Variants in AGPS observed in about 807,000 individuals in gnomAD.
The protein encoded by AGPS is alkylglycerone phosphate synthase.
A neutral mutation model predicts 90.7 loss-of-function variants in AGPS; 26 were observed. That is an observed-to-expected ratio of 0.29 (90% CI 0.21 to 0.40). AGPS has a LOEUF of 0.40. AGPS is among the 10% of genes least tolerant of loss of function. The pLI, the probability that AGPS is intolerant of heterozygous loss-of-function variation, is 1.00. For missense variants in AGPS, 540 were observed against 816.1 expected (o/e 0.66, Z 4.12); for synonymous variants, 294 against 285.3 (o/e 1.03, Z -0.31).
intron 19 of AGPS, among the ~76,000 whole-genome samples, chr2:177,529,693 C>T (rs986923257): frequency 6.6e-6 from 1 of 152,170 alleles, no homozygotes; most frequent in African/African-American, 2.4e-5. Context: ...ATACCACCAA[C>T]CATTTAGTGT....
chr2:177,420,846 ATT>A (rs1261115265), intron 2 of AGPS, among the ~76,000 whole-genome samples: 1 of 151,834 alleles, frequency 6.6e-6, no homozygotes, highest in South Asian at 2.1e-4. Context: ...AAGGTGAATG[ATT>A]TTAGGTCTGT....
intron 10 of AGPS, among the ~76,000 whole-genome samples, chr2:177,477,900 G>A (rs1687829566): frequency 6.6e-6 from 1 of 152,126 alleles, no homozygotes; most frequent in Non-Finnish European, 1.5e-5. Flanking sequence ...GATGTGAGAA[G>A]AAAGGAGAAG....
chr2:177,514,542 T>C lies in AGPS; in HGVS notation c.1697+634T>C, dbSNP rs541067074. ...AGTCCTCATTAAGGCATTCAGTTGTTAAGCTTACTTGCTCCTTATAGCATG... is the reference window on the plus strand; with the variant it reads ...AGTCCTCATTAAGGCATTCAGTTGTCAAGCTTACTTGCTCCTTATAGCATG... On this transcript the variant is annotated intron_variant, in intron 17 of 19. Transcript: ENST00000264167. Among the ~76,000 whole-genome samples, 91 of 152,358 alleles carry C rather than the reference T, an allele frequency of 6.0e-4. No homozygotes were observed. The Middle Eastern group carries it at 0.01, about 17-fold the overall frequency.
chr2:177,463,285 C>T (rs902809677), intron 9 of AGPS, among the ~76,000 whole-genome samples: 1 of 152,154 alleles, frequency 6.6e-6, no homozygotes. Context: ...TCAGTTTCCT[C>T]TTCTGTAAAA....
At chr2:177,470,727 A>G (rs1459118237) in intron 10 of AGPS, among the ~76,000 whole-genome samples, 33 of 140,664 alleles carry the variant, frequency 2.3e-4, no homozygotes, top group Admixed American at 7.2e-4. Flanking sequence ...AAAAAAAAAG[A>G]AAAAAAAAAG....
chr2:177,459,698 G>A (rs924919356), intron 8 of AGPS, among the ~76,000 whole-genome samples: 5 of 152,170 alleles, frequency 3.3e-5, no homozygotes, highest in African/African-American at 1.2e-4. Context: ...GGAAAAATAG[G>A]AACGCTCTTA....
chr2:177,505,272 G>C (rs1443914849), intron 14 of AGPS, among the ~76,000 whole-genome samples: 1 of 152,034 alleles, frequency 6.6e-6, no homozygotes, highest in Non-Finnish European at 1.5e-5. Context: ...CAGCTTATTT[G>C]TTTCTCATAG....
intron 9 of AGPS, among the ~76,000 whole-genome samples, chr2:177,466,736 C>T (rs923740391): frequency 6.6e-6 from 1 of 152,226 alleles, no homozygotes; most frequent in African/African-American, 2.4e-5. Context: ...CAACTTTTCT[C>T]CAAGATTGGA....
At chr2:177,477,519 G>A (rs1295997837) in intron 10 of AGPS, among the ~76,000 whole-genome samples, 1 of 152,140 alleles carries the variant, frequency 6.6e-6, no homozygotes, top group African/African-American at 2.4e-5. Context: ...GAAATGCTCA[G>A]TGGAGCATTT....
chr2:177,474,378 A>C (rs1311770375), intron 10 of AGPS, among the ~76,000 whole-genome samples: 1 of 152,178 alleles, frequency 6.6e-6, no homozygotes. Context: ...AGCTCTCAGC[A>C]AAAAAAGGGG....
intron 19 of AGPS, among the ~76,000 whole-genome samples, chr2:177,536,421 A>AAATCC (rs2079184526): frequency 6.6e-6 from 1 of 152,032 alleles, no homozygotes; most frequent in East Asian, 1.9e-4. Flanking sequence ...AAAAAAAAAA[A>AAATCC]AATCCTGTGG....
intron 1 of AGPS, among the ~76,000 whole-genome samples, chr2:177,416,273 A>G (rs1221387119): frequency 6.6e-6 from 1 of 152,182 alleles, no homozygotes; most frequent in Non-Finnish European, 1.5e-5. Context: ...TATTTCACCT[A>G]AAGATTGTAT....
At chr2:177,429,138 G>A (rs917757112) in intron 2 of AGPS, among the ~76,000 whole-genome samples, 1 of 152,118 alleles carries the variant, frequency 6.6e-6, no homozygotes, top group Middle Eastern at 3.2e-3. Flanking sequence ...AATTTCTTGT[G>A]TTGTGTTTTT....
At chr2:177,471,789 TGAA>T (rs754028781) in intron 10 of AGPS, among the ~76,000 whole-genome samples, 1 of 152,310 alleles carries the variant, frequency 6.6e-6, no homozygotes, top group East Asian at 1.9e-4. Context: ...CTGTGATACT[TGAA>T]GGACAGCTTG....
At chr2:177,461,389 C>T (rs777658197) in intron 8 of AGPS, among the ~76,000 whole-genome samples, 13 of 152,224 alleles carry the variant, frequency 8.5e-5, no homozygotes, top group Non-Finnish European at 1.8e-4. Flanking sequence ...CATTAAAACA[C>T]ATGACTCCTT....
intron 18 of AGPS, among the ~76,000 whole-genome samples, chr2:177,523,135 C>T (rs1233218127): frequency 2.6e-5 from 4 of 152,076 alleles, no homozygotes; most frequent in Non-Finnish European, 4.4e-5. Flanking sequence ...AGTCATTGAC[C>T]TAAGAAGTGT....
intron 19 of AGPS, among the ~76,000 whole-genome samples, chr2:177,533,359 A>G (rs1250123171): frequency 2.0e-5 from 3 of 152,154 alleles, no homozygotes; most frequent in African/African-American, 7.2e-5. Context: ...CTGTAGCAAG[A>G]AGATACTGAT....
At chr2:177,414,897 C>CGTGTGTGTGTGTGTGTGTGTGT (rs397986794) in intron 1 of AGPS, among the ~76,000 whole-genome samples, 1,632 of 146,268 alleles carry the variant, frequency 0.011, 31 homozygotes, top group African/African-American at 0.039. Context: ...TATGAAGGTT[C>CGTGTGTGTGTGTGTGTGTGTGT]GTGTGTGTGT....
Position 177,497,688 on chromosome 2 carries a change from G to T in AGPS, c.1286-1G>T. 2 of 1,558,770 alleles carry T rather than the reference G, an allele frequency of 1.3e-6. No homozygotes were observed. The highest frequency in any genetic ancestry group is 1.7e-5 in the Admixed American group (1 of 57,186). ...TAATATAAACTTTTTTCTCTTCTTA[G>T]GTCATGCTCTTAAACCTCAGGTTTC... is the stretch of plus-strand genomic sequence containing the variant. On this transcript the variant is annotated splice_acceptor_variant, in intron 12 of 19. Transcript: ENST00000264167. LOFTEE classifies it high-confidence loss of function.
Sources: allele counts gnomAD v4.1 joint callset (sites outside exome capture counted in the v4.1 genomes callset), GRCh38; gene constraint gnomAD v4.1.1; transcripts MANE v1.5; gene names NCBI Gene and HGNC (gene_info 2026-07-23, HGNC 2026-07-21).